Variants in SNX29 observed in about 807,000 individuals in gnomAD.
The protein encoded by SNX29 is sorting nexin 29.
A neutral mutation model predicts 102.1 loss-of-function variants in SNX29; 78 were observed. The ratio of observed to expected loss-of-function variants is 0.76; its 90% CI spans 0.64 to 0.92. The LOEUF (loss-of-function observed/expected upper bound fraction) is 0.92. Ranked by LOEUF, SNX29 falls within the 40% of genes least tolerant of loss-of-function variation. SNX29 has a pLI of 0.00. For synonymous variants in SNX29, 580 were observed against 414.5 expected (o/e 1.40, Z -4.85); for missense variants, 1,280 against 1,061.7 (o/e 1.21, Z -2.86).
rs77488317 is a variant in SNX29, at chr16:12,088,016, G to A, written c.1402+9101G>A. 658 of 456,678 alleles carry A rather than the reference G, an allele frequency of 1.4e-3. 12 individuals carry two copies. The East Asian group carries it at 0.024, about 17-fold the overall frequency. 28.3% of individuals were successfully genotyped at this position (456,678 alleles called of 1,614,324 possible). ...GGCCATGGTCCTTTGGGGGGTATGA[G>A]CACTGCCCTGTCTCGTTCTGGCTTT... On this transcript the variant is annotated intron_variant, in intron 11 of 20. Coordinates refer to ENST00000566228, the MANE Select transcript of SNX29 (RefSeq NM_032167.5).
intron 20 of SNX29, chr16:12,557,189 C>G (rs146686010): frequency 6.6e-6 from 1 of 152,310 alleles, no homozygotes; most frequent in African/African-American, 2.4e-5. Context: ...GATATACTGA[C>G]TCCAGGGCTC....
At chr16:12,090,579 G>C (rs1435235166) in intron 11 of SNX29, among the ~76,000 whole-genome samples, 1 of 152,172 alleles carries the variant, frequency 6.6e-6, no homozygotes, top group Non-Finnish European at 1.5e-5. Context: ...CGGGGTTTAG[G>C]GTTTGAATTC....
intron 18 of SNX29, among the ~76,000 whole-genome samples, chr16:12,409,673 T>A (rs2151539666): frequency 6.6e-6 from 1 of 152,252 alleles, no homozygotes; most frequent in East Asian, 1.9e-4. Flanking sequence ...TGTCTTAATA[T>A]CCCACTCAAG....
At chr16:12,087,992 G>A (rs747061606) in intron 11 of SNX29, 9 of 456,582 alleles carry the variant, frequency 2.0e-5, no homozygotes, top group South Asian at 1.1e-4. Context: ...TGTGCAGGGG[G>A]CCATGGTCCT....
chr16:12,340,211 A>T (rs2081572308), intron 15 of SNX29, among the ~76,000 whole-genome samples: 1 of 152,194 alleles, frequency 6.6e-6, no homozygotes, highest in Admixed American at 6.5e-5. Flanking sequence ...CCCTGGAGAA[A>T]CTAACTAGAA....
At chr16:12,006,018 T>C (rs2056439338) in intron 3 of SNX29, among the ~76,000 whole-genome samples, 1 of 152,134 alleles carries the variant, frequency 6.6e-6, no homozygotes, top group African/African-American at 2.4e-5. Context: ...CTGTTGTTTA[T>C]GGCTAAAAGG....
intron 15 of SNX29, among the ~76,000 whole-genome samples, chr16:12,335,575 C>G (rs1432126753): frequency 6.6e-6 from 1 of 152,136 alleles, no homozygotes; most frequent in African/African-American, 2.4e-5. Context: ...ACTCAGGAGG[C>G]TGAGGTGGGA....
intron 14 of SNX29, among the ~76,000 whole-genome samples, chr16:12,256,173 C>G (rs949902774): frequency 6.6e-6 from 1 of 152,146 alleles, no homozygotes; most frequent in Non-Finnish European, 1.5e-5. Flanking sequence ...GGATGTCTTC[C>G]TTGAGAAATG....
chr16:12,180,008 G>A (rs1034446617), intron 13 of SNX29, among the ~76,000 whole-genome samples: 18 of 152,066 alleles, frequency 1.2e-4, no homozygotes, highest in African/African-American at 4.3e-4. Context: ...CTTTCAATGT[G>A]GAACTTCGGG....
At chr16:12,339,970 C>G (rs1198231124) in intron 15 of SNX29, among the ~76,000 whole-genome samples, 8 of 151,840 alleles carry the variant, frequency 5.3e-5, no homozygotes, top group African/African-American at 1.9e-4. Flanking sequence ...ATTCCATTAG[C>G]CAAAAAAGAG....
intron 15 of SNX29, among the ~76,000 whole-genome samples, chr16:12,315,021 A>G (rs571372357): frequency 2.0e-5 from 3 of 152,238 alleles, no homozygotes; most frequent in African/African-American, 7.2e-5. Flanking sequence ...TTGACAGGCA[A>G]TTCTGTTCCC....
chr16:12,531,875 C>G (rs1050414112), intron 20 of SNX29, among the ~76,000 whole-genome samples: 4 of 152,200 alleles, frequency 2.6e-5, no homozygotes, highest in African/African-American at 7.2e-5. Flanking sequence ...CCAGGCATGC[C>G]TCAGGAAATG....
rs577267091 is a variant in SNX29, at chr16:12,480,062, A to G, written c.2178+2203A>G. ...GGATACAAACAAGAGTTCAGTTCCT[A>G]GGGCATACAGTACTGTATTTAGCTT... On this transcript the variant is annotated intron_variant, in intron 19 of 20. Transcript: ENST00000566228. Among the ~76,000 whole-genome samples, 6 of 152,360 alleles carry G rather than the reference A, an allele frequency of 3.9e-5. No homozygotes were observed. The South Asian group carries it at 8.3e-4, about 21-fold the overall frequency.
intron 20 of SNX29, among the ~76,000 whole-genome samples, chr16:12,549,547 A>AT (rs2077832739): frequency 9.3e-6 from 1 of 107,218 alleles, no homozygotes; most frequent in Non-Finnish European, 1.8e-5. Flanking sequence ...CCAGTAAGGC[A>AT]TGGAGTGGGC....
rs368482101 is a variant in SNX29 at position 12,129,750 on chromosome 16, G to C, written c.1587G>C (p.Ala529=). 3 of 1,606,698 alleles carry C rather than the reference G, an allele frequency of 1.9e-6. No homozygotes were observed. In the South Asian group the frequency reaches 3.3e-5, roughly 18 times the overall value. ...QEERQGMKVQ[A]LARENEVLKV... ...AGCGGCAGGGCATGAAGGTCCAGGC[G>C]CTGGCCAGGTAGGAGAGGGTGAGGG... Residue 529 remains alanine (A), a synonymous_variant, in exon 13 of 21, where the codon GCG becomes GCC. Transcript: ENST00000566228.
At chr16:12,470,207 C>T (rs1030653118) in intron 18 of SNX29, among the ~76,000 whole-genome samples, 1 of 152,150 alleles carries the variant, frequency 6.6e-6, no homozygotes, top group Admixed American at 6.5e-5. Context: ...AGATGCAGGA[C>T]TTTGGATCAT....
chr16:12,387,144 AAG>A (rs961944885), intron 16 of SNX29, among the ~76,000 whole-genome samples: 2 of 152,028 alleles, frequency 1.3e-5, no homozygotes, highest in Admixed American at 6.6e-5. Flanking sequence ...ATAAAAAAAA[AAG>A]AGAGAGCCAC....
rs138108223 is a variant in SNX29 at position 12,532,767 on chromosome 16, C to G, written c.2318+7926C>G. Among the ~76,000 whole-genome samples, 1,079 of 152,232 alleles carry G rather than the reference C, an allele frequency of 7.1e-3. 12 individuals carry two copies. The highest frequency in any genetic ancestry group is 0.024 in the African/African-American group (1,010 of 41,522). ...TGGAAGCTGGGGACAGGGCAGGAGCCTGGAGTCCATGGGGCAGAGGCAGGA... is the reference window on the plus strand; with the variant it reads ...TGGAAGCTGGGGACAGGGCAGGAGCGTGGAGTCCATGGGGCAGAGGCAGGA... On this transcript the variant is annotated intron_variant, in intron 20 of 20. Coordinates refer to ENST00000566228, the MANE Select transcript of SNX29 (RefSeq NM_032167.5).
At chr16:12,425,705 T>G (rs1304765205) in intron 18 of SNX29, among the ~76,000 whole-genome samples, 1 of 152,102 alleles carries the variant, frequency 6.6e-6, no homozygotes, top group African/African-American at 2.4e-5. Flanking sequence ...GAGTGTGTCC[T>G]GGAGTTTGCA....
Sources: gnomAD v4.1 joint callset for allele counts (sites outside exome capture counted in the v4.1 genomes callset) on GRCh38, gnomAD v4.1.1 for gene constraint, MANE v1.5 for transcripts, NCBI Gene and HGNC (gene_info 2026-07-23, HGNC 2026-07-21) for gene names.